The following HS3ST5 variants were observed in gnomAD, a reference collection of about 807,000 sequenced individuals.
The protein encoded by HS3ST5 is heparan sulfate glucosamine 3-O-sulfotransferase 5.
In HS3ST5, 10 loss-of-function variants were observed where a neutral mutation model predicts 25.4. The ratio of observed to expected loss-of-function variants is 0.39; its 90% CI spans 0.24 to 0.67. HS3ST5 has a LOEUF of 0.67. Among genes scored for constraint, HS3ST5 ranks in the 30% least tolerant of loss-of-function variants. The pLI, the probability that HS3ST5 is intolerant of heterozygous loss-of-function variation, is 0.44. For synonymous variants in HS3ST5, 170 were observed against 162.4 expected (o/e 1.05, Z -0.36); for missense variants, 324 against 420.7 (o/e 0.77, Z 2.01).
chr6:114,154,934 C>T (rs1365053805), intron 3 of HS3ST5, among the ~76,000 whole-genome samples: 3 of 152,124 alleles, frequency 2.0e-5, no homozygotes, highest in African/African-American at 7.2e-5. Flanking sequence ...CCTTATCTTT[C>T]CCGATTGCTC....
At chr6:114,317,104 G>A (rs1775775025) in intron 1 of HS3ST5, among the ~76,000 whole-genome samples, 2 of 152,170 alleles carry the variant, frequency 1.3e-5, no homozygotes, top group African/African-American at 4.8e-5. Flanking sequence ...TTATCAGTGA[G>A]GAAACTTTGT....
intron 2 of HS3ST5, among the ~76,000 whole-genome samples, chr6:114,191,600 C>T (rs299404): frequency 1 from 152,086 of 152,344 alleles, 75,915 homozygotes; most frequent in Middle Eastern, 1. Flanking sequence ...ATCTTCATTT[C>T]TGTTTCAGCA....
chr6:114,217,412 A>G (rs1781821995), intron 2 of HS3ST5, among the ~76,000 whole-genome samples: 1 of 152,226 alleles, frequency 6.6e-6, no homozygotes, highest in African/African-American at 2.4e-5. Context: ...ATGCATATGT[A>G]TATACTATTC....
intron 2 of HS3ST5, among the ~76,000 whole-genome samples, chr6:114,212,960 G>A (rs546311322): frequency 1.4e-4 from 21 of 152,294 alleles, no homozygotes; most frequent in Middle Eastern, 3.4e-3. Context: ...TGGCTTAAGT[G>A]TTTAACAGCT....
At chr6:114,200,746 C>T (rs1315937462) in intron 2 of HS3ST5, among the ~76,000 whole-genome samples, 2 of 151,916 alleles carry the variant, frequency 1.3e-5, no homozygotes, top group Admixed American at 6.6e-5. Context: ...TTTTAAGATT[C>T]TAATTATCTT....
At chr6:114,084,207 C>G in intron 3 of HS3ST5, 1 of 1,095,982 alleles carries the variant, frequency 9.1e-7, no homozygotes, top group Non-Finnish European at 1.4e-6. Context: ...ATTCAGTGGC[C>G]TGAGCAATGG....
intron 3 of HS3ST5, chr6:114,084,547 G>A (rs976137421): frequency 9.2e-6 from 7 of 760,182 alleles, no homozygotes; most frequent in Non-Finnish European, 1.7e-5. Context: ...CACACCCGCT[G>A]AGTGAGCTCC....
intron 3 of HS3ST5, among the ~76,000 whole-genome samples, chr6:114,138,763 A>G (rs1383640614): frequency 6.6e-6 from 1 of 152,214 alleles, no homozygotes; most frequent in Non-Finnish European, 1.5e-5. Context: ...GAGTTGTCTT[A>G]GTCCCTGCAA....
intron 3 of HS3ST5, among the ~76,000 whole-genome samples, chr6:114,167,259 T>C (rs1779264956): frequency 6.6e-6 from 1 of 152,234 alleles, no homozygotes; most frequent in Admixed American, 6.5e-5. Context: ...GAAACTTTAG[T>C]TCTGATTCTG....
chr6:114,070,580 G>A (rs946901856), intron 3 of HS3ST5, among the ~76,000 whole-genome samples: 1 of 152,150 alleles, frequency 6.6e-6, no homozygotes, highest in African/African-American at 2.4e-5. Context: ...GCTGCCACTT[G>A]TCACAGACTC....
At chr6:114,277,857 G>A (rs1773929582) in intron 1 of HS3ST5, among the ~76,000 whole-genome samples, 1 of 151,928 alleles carries the variant, frequency 6.6e-6, no homozygotes, top group South Asian at 2.1e-4. Context: ...TTGCCTTGTC[G>A]AGGTTATAGT....
At chr6:114,259,258 A>G (rs1320059809) in intron 1 of HS3ST5, among the ~76,000 whole-genome samples, 2 of 152,224 alleles carry the variant, frequency 1.3e-5, no homozygotes, top group Non-Finnish European at 2.9e-5. Context: ...ATCATTTCAC[A>G]TAGGATTTCT....
chr6:114,264,169 TATG>T (rs1314664198), intron 1 of HS3ST5, among the ~76,000 whole-genome samples: 1 of 152,212 alleles, frequency 6.6e-6, no homozygotes, highest in Non-Finnish European at 1.5e-5. Context: ...TTACTATGTG[TATG>T]ATATCCTTAT....
intron 2 of HS3ST5, among the ~76,000 whole-genome samples, chr6:114,176,121 T>C (rs957475689): frequency 1.3e-5 from 2 of 152,202 alleles, no homozygotes; most frequent in African/African-American, 4.8e-5. Context: ...TAAATTTGTT[T>C]TACTGAACTG....
At position 114,056,836 on chromosome 6, in the gene HS3ST5, T is replaced by G. The variant is rs1772793730; in HGVS notation, c.*421A>C. On this transcript the variant is annotated 3_prime_UTR_variant, in exon 5 of 5. Transcript: ENST00000312719. ...CAGCATCTGAATTAAAGAGCCAGCT[T>G]TCCCTTAGGAAAAAAAAAATGCATC... 1 of 156,640 alleles carries G rather than the reference T, an allele frequency of 6.4e-6. No individual in the cohort carries two copies. The highest frequency in any genetic ancestry group is 6.4e-5 in the Admixed American group (1 of 15,542). 9.7% of individuals were successfully genotyped at this position (156,640 alleles called of 1,614,324 possible). A position where few individuals can be genotyped will look rare whatever the true frequency, so the allele number is the denominator to read the frequency against.
chr6:114,228,862 A>G (rs911487584), intron 1 of HS3ST5, 84 bp from the exon 2 acceptor site: 1 of 152,220 alleles, frequency 6.6e-6, no homozygotes. Context: ...CAGTGTTACT[A>G]AATTTAAACT....
intron 1 of HS3ST5, among the ~76,000 whole-genome samples, chr6:114,236,738 G>C (rs970909863): frequency 6.6e-6 from 1 of 152,090 alleles, no homozygotes; most frequent in African/African-American, 2.4e-5. Flanking sequence ...CATTACTTCT[G>C]AGCATAGGCA....
intron 3 of HS3ST5, among the ~76,000 whole-genome samples, chr6:114,099,646 A>G (rs1247830259): frequency 1.3e-5 from 2 of 152,142 alleles, no homozygotes; most frequent in Non-Finnish European, 2.9e-5. Context: ...GGGAAAGACC[A>G]TATCCCTTAT....
At chr6:114,199,984 G>C (rs1177890743) in intron 2 of HS3ST5, among the ~76,000 whole-genome samples, 1 of 152,094 alleles carries the variant, frequency 6.6e-6, no homozygotes, top group Admixed American at 6.6e-5. Context: ...GAGGCTAAGG[G>C]GGTGGAGGGG....
Sources: allele counts gnomAD v4.1 joint callset (sites outside exome capture counted in the v4.1 genomes callset), GRCh38; gene constraint gnomAD v4.1.1; transcripts MANE v1.5; gene names NCBI Gene and HGNC (gene_info 2026-07-23, HGNC 2026-07-21).